The following HECW2 variants were observed in gnomAD, a reference collection of about 807,000 sequenced individuals.
The protein encoded by HECW2 is E3 ubiquitin-protein ligase HECW2.
A neutral mutation model predicts 175.2 loss-of-function variants in HECW2; 61 were observed. That is an observed-to-expected ratio of 0.35 (90% CI 0.28 to 0.43). The LOEUF (loss-of-function observed/expected upper bound fraction) is 0.43, where lower values mean the gene tolerates loss of function less well. HECW2 is among the 20% of genes least tolerant of loss of function. The pLI is 1.00. For synonymous variants in HECW2, 671 were observed against 731.0 expected (o/e 0.92, Z 1.32); for missense variants, 1,524 against 2,000.5 (o/e 0.76, Z 4.54).
intron 2 of HECW2, among the ~76,000 whole-genome samples, chr2:196,369,268 G>A (rs1693839820): frequency 6.6e-6 from 1 of 151,256 alleles, no homozygotes; most frequent in Non-Finnish European, 1.5e-5. Context: ...GTCTTGGATA[G>A]GATCTAGAAG....
intron 21 of HECW2, among the ~76,000 whole-genome samples, chr2:196,231,202 C>G (rs1389219496): frequency 6.6e-6 from 1 of 151,442 alleles, no homozygotes; most frequent in Non-Finnish European, 1.5e-5. Context: ...ACAGAGCATG[C>G]CCGTGGTCAA....
Position 196,474,998 on chromosome 2 carries a change from A to G in HECW2, c.-35-41540T>C, listed in dbSNP as rs1686516063. On this transcript the variant is annotated intron_variant, in intron 1 of 28. Transcript: ENST00000644978. ...GCGAGCAGCATCGTTACAGACGCTT[A>G]ACACAGTTTAACGAATTTCTCTGAT... Among the ~76,000 whole-genome samples, 4 of 152,128 alleles carry G rather than the reference A, an allele frequency of 2.6e-5. 1 individual carries two copies. In the South Asian group the frequency reaches 8.3e-4, roughly 32 times the overall value.
chr2:196,514,136 C>A (rs775481307), intron 1 of HECW2, among the ~76,000 whole-genome samples: 1 of 152,240 alleles, frequency 6.6e-6, no homozygotes, highest in Non-Finnish European at 1.5e-5. Context: ...AGCTCCCCAA[C>A]CCCATAGTCT....
intron 1 of HECW2, among the ~76,000 whole-genome samples, chr2:196,514,694 A>G (rs1222699825): frequency 6.6e-6 from 1 of 152,120 alleles, no homozygotes; most frequent in East Asian, 1.9e-4. Context: ...TGAGGACAGG[A>G]GCTACCGACT....
chr2:196,256,807 G>A (rs140714548), intron 18 of HECW2, among the ~76,000 whole-genome samples: 1 of 152,286 alleles, frequency 6.6e-6, no homozygotes, highest in East Asian at 1.9e-4. Flanking sequence ...CCACCCATTA[G>A]GTTGAGAAGC....
chr2:196,217,408 G>A, intron 26 of HECW2: 1 of 241,606 alleles, frequency 4.1e-6, no homozygotes, highest in Non-Finnish European at 8.0e-6. Flanking sequence ...GTTGTTACTG[G>A]AAATACTTAA....
intron 2 of HECW2, among the ~76,000 whole-genome samples, chr2:196,402,265 G>T (rs892579784): frequency 4.3e-4 from 52 of 121,596 alleles, no homozygotes; most frequent in African/African-American, 1.4e-3. Flanking sequence ...AAGGAAAAAA[G>T]AAATGACAAG....
chr2:196,309,549 G>C (rs941556511), intron 10 of HECW2, among the ~76,000 whole-genome samples: 2 of 152,092 alleles, frequency 1.3e-5, no homozygotes, highest in Non-Finnish European at 2.9e-5. Flanking sequence ...AAAACACTTT[G>C]ATTTATTTCA....
chr2:196,413,170 TAG>T (rs1470737288), intron 2 of HECW2, among the ~76,000 whole-genome samples: 1 of 152,044 alleles, frequency 6.6e-6, no homozygotes, highest in Non-Finnish European at 1.5e-5. Flanking sequence ...CTGGGCAACA[TAG>T]AGAGACCCTG....
intron 1 of HECW2, among the ~76,000 whole-genome samples, chr2:196,550,832 A>G (rs887844018): frequency 6.6e-6 from 1 of 152,234 alleles, no homozygotes; most frequent in African/African-American, 2.4e-5. Context: ...AGATGTATAC[A>G]TGATCAGTGA....
At position 196,279,269 on chromosome 2, in the gene HECW2, C is replaced by T. The variant is rs188044493; in HGVS notation, c.3001-607G>A. On this transcript the variant is annotated intron_variant, in intron 14 of 28. Transcript: ENST00000644978. ...TTCACTGTGTTAGCCAGGATAGTCT[C>T]AATCTCCTGACCTCGTGATCTGCCT... Among the ~76,000 whole-genome samples, 256 of 152,232 alleles carry T rather than the reference C, an allele frequency of 1.7e-3. 2 individuals are homozygous for T. Among genetic ancestry groups the T allele is most frequent in the African/African-American group, 5.8e-3 (239 of 41,532 alleles).
intron 2 of HECW2, among the ~76,000 whole-genome samples, chr2:196,410,243 A>G (rs1695073421): frequency 6.6e-6 from 1 of 152,260 alleles, no homozygotes; most frequent in African/African-American, 2.4e-5. Flanking sequence ...GCGCTTTGAA[A>G]GAAAAATGCA....
At chr2:196,273,967 T>C in intron 16 of HECW2, 54 bp downstream of exon 16, 2 of 1,278,028 alleles carry the variant, frequency 1.6e-6, no homozygotes, top group Middle Eastern at 1.8e-4. Flanking sequence ...ACAGTGTACA[T>C]GGTACAGATA....
chr2:196,345,167 G>A (rs543709594), intron 2 of HECW2, among the ~76,000 whole-genome samples: 188 of 152,264 alleles, frequency 1.2e-3, no homozygotes, highest in African/African-American at 3.9e-3. Context: ...AACAATGCGA[G>A]CAAACAACTC....
At chr2:196,469,021 G>A (rs1270860637) in intron 1 of HECW2, among the ~76,000 whole-genome samples, 1 of 152,106 alleles carries the variant, frequency 6.6e-6, no homozygotes, top group Non-Finnish European at 1.5e-5. Flanking sequence ...GAGAGGAGGT[G>A]ATATGGTACT....
rs200618205 is a variant in HECW2, at chr2:196,518,209, TA to T, written c.-36+75298del. On this transcript the variant is annotated intron_variant, in intron 1 of 28. Coordinates refer to ENST00000644978, the MANE Select transcript of HECW2 (RefSeq NM_001348768.2). Reference sequence around the variant, plus strand: ...GTCTCTTGTAATCCAAAAATGTGATTAAAAAATAAAATATAATAGAAAAACA... The same window carrying T: ...GTCTCTTGTAATCCAAAAATGTGATTAAAAATAAAATATAATAGAAAAACA... Among the ~76,000 whole-genome samples, 1,098 of 152,112 alleles carry T rather than the reference TA, an allele frequency of 7.2e-3. 6 individuals carry two copies. Among genetic ancestry groups the T allele is most frequent in the Non-Finnish European group, 0.011 (757 of 67,986 alleles).
chr2:196,202,611 A>T (rs905064071), intron 28 of HECW2, among the ~76,000 whole-genome samples: 3 of 152,226 alleles, frequency 2.0e-5, no homozygotes, highest in African/African-American at 7.2e-5. Flanking sequence ...TGTTAGCTAC[A>T]TTTCATTACT....
At chr2:196,207,310 T>A (rs1306980832) in intron 28 of HECW2, among the ~76,000 whole-genome samples, 1 of 152,200 alleles carries the variant, frequency 6.6e-6, no homozygotes, top group African/African-American at 2.4e-5. Context: ...ACCAATTAAA[T>A]AGAGTGATCG....
At chr2:196,492,677 T>C (rs772889856) in intron 1 of HECW2, among the ~76,000 whole-genome samples, 3 of 152,210 alleles carry the variant, frequency 2.0e-5, no homozygotes, top group Non-Finnish European at 4.4e-5. Context: ...AGTATTCTCT[T>C]TCCTGAATTT....
Sources: allele counts gnomAD v4.1 joint callset (sites outside exome capture counted in the v4.1 genomes callset), GRCh38; gene constraint gnomAD v4.1.1; transcripts MANE v1.5; gene names NCBI Gene and HGNC (gene_info 2026-07-23, HGNC 2026-07-21).